The following BCLAF3 variants were observed in gnomAD, a reference collection of about 807,000 sequenced individuals.
BCLAF3 encodes BCLAF1 and THRAP3 family member 3.
BCLAF3 carries 24 observed loss-of-function variants against 51.2 expected under a neutral mutation model. That is an observed-to-expected ratio of 0.47 (90% CI 0.34 to 0.66). The LOEUF is 0.66. BCLAF3 is among the 30% of genes least tolerant of loss of function. The probability of loss-of-function intolerance (pLI) is 0.01; values close to 1 mark genes in which losing one functional copy is unlikely to be tolerated. For missense variants in BCLAF3, 465 were observed against 525.1 expected, an observed-to-expected ratio of 0.89 and a Z score of 1.12; for synonymous variants, 152 against 176.6, an observed-to-expected ratio of 0.86 and a Z score of 1.10.
intron 1 of BCLAF3, among the ~76,000 whole-genome samples, chrX:19,973,020 G>A (rs2072305931): frequency 8.9e-6 from 1 of 111,912 alleles, no homozygotes; most frequent in African/African-American, 3.2e-5. Context: ...TGGGTCACTT[G>A]GTAACTCTAT....
chrX:19,968,117 T>C (rs961671310), intron 2 of BCLAF3, among the ~76,000 whole-genome samples: 2 of 112,862 alleles, frequency 1.8e-5, no homozygotes, highest in African/African-American at 6.4e-5. Flanking sequence ...TCACATTCAA[T>C]ATCGGTTTGA....
intron 4 of BCLAF3, among the ~76,000 whole-genome samples, chrX:19,961,030 C>T (rs2071836299): frequency 9.0e-6 from 1 of 111,628 alleles, no homozygotes; most frequent in South Asian, 3.8e-4. Flanking sequence ...TATTCTGCTC[C>T]AGATATTAGT....
At chrX:19,938,381 C>T (rs188794442) in intron 8 of BCLAF3, among the ~76,000 whole-genome samples, 3 of 111,638 alleles carry the variant, frequency 2.7e-5, no homozygotes, top group Admixed American at 9.5e-5. Flanking sequence ...AACAGGCACA[C>T]TGAGCTTCAG....
chrX:19,979,418 A>G (rs1569510440), intron 1 of BCLAF3, among the ~76,000 whole-genome samples: 1 of 111,519 alleles, frequency 9.0e-6, no homozygotes, highest in East Asian at 2.8e-4. Flanking sequence ...TAGCAATAAT[A>G]TATTTTTAAA....
At position 19,966,162 on chromosome X, in the gene BCLAF3, G is replaced by T. The variant is rs2072045800; in HGVS notation, c.529C>A (p.Gln177Lys). The stretch of plus-strand genomic sequence containing the variant: ...GAGTATTTTTCTTCTTGTATCCTCT[G>T]GTGCCTCAACTCATCTTCATGCCAC... ...GKWHEDELRH[Q>K]RIQEEKYSQS... Residue 177 changes from glutamine (Q) to lysine (K), a missense_variant, in exon 3 of 12, where the codon CAG becomes AAG. Gln to Lys is a moderately conservative substitution (Grantham distance 53). Coordinates refer to ENST00000379682, the MANE Select transcript of BCLAF3 (RefSeq NM_001367774.2). The T allele has an allele frequency of 8.3e-7, 1 of 1,210,958 alleles. No individual in the cohort carries two copies. The highest frequency in any genetic ancestry group is 2.2e-5 in the Admixed American group (1 of 45,993).
chrX:19,985,355 T>C (rs1464242062), intron 1 of BCLAF3, among the ~76,000 whole-genome samples: 1 of 110,647 alleles, frequency 9.0e-6, no homozygotes, highest in Admixed American at 9.7e-5. Context: ...AAGGTGGGAG[T>C]ACCACTTGAT....
chrX:19,960,435 C>G (rs1330335338), intron 4 of BCLAF3, among the ~76,000 whole-genome samples: 2 of 111,405 alleles, frequency 1.8e-5, no homozygotes, highest in Non-Finnish European at 3.8e-5. Context: ...TAACTGCCAA[C>G]AGAATCCCTA....
intron 10 of BCLAF3, 92 bp downstream of exon 10, chrX:19,935,717 T>A (rs1407734564): frequency 1.4e-6 from 1 of 725,040 alleles, no homozygotes; most frequent in Non-Finnish European, 2.1e-6. Flanking sequence ...GAAAGCATAT[T>A]ACAAAACAGC....
chrX:19,932,876 T>C (rs2070621331), intron 10 of BCLAF3, among the ~76,000 whole-genome samples: 1 of 112,135 alleles, frequency 8.9e-6, no homozygotes, highest in South Asian at 3.7e-4. Context: ...TAAACAATAA[T>C]AACTCCTAAA....
At chrX:19,923,337 G>C in intron 11 of BCLAF3, 1 of 133,951 alleles carries the variant, frequency 7.5e-6, no homozygotes, top group Non-Finnish European at 1.6e-5. Flanking sequence ...CATTAAAGTT[G>C]GAAAGAGAAC....
chrX:19,978,936 G>T (rs748585834), intron 1 of BCLAF3, among the ~76,000 whole-genome samples: 1 of 110,715 alleles, frequency 9.0e-6, no homozygotes, highest in African/African-American at 3.3e-5. Context: ...GTTGATCGAT[G>T]CAACAAACCT....
chrX:19,931,300 C>T (rs1273076189), intron 10 of BCLAF3, among the ~76,000 whole-genome samples: 31 of 111,402 alleles, frequency 2.8e-4, no homozygotes, highest in Non-Finnish European at 5.6e-4. Flanking sequence ...AGTCTCCCTC[C>T]CTCACTCCCC....
intron 4 of BCLAF3, among the ~76,000 whole-genome samples, chrX:19,960,088 G>A (rs930922753): frequency 9.0e-6 from 1 of 111,670 alleles, no homozygotes; most frequent in Non-Finnish European, 1.9e-5. Context: ...GGGCCACCAT[G>A]CCCAGCCAGA....
intron 5 of BCLAF3, 64 bp downstream of exon 5, chrX:19,955,327 C>G (rs2071625739): frequency 1.2e-6 from 1 of 848,561 alleles, no homozygotes; most frequent in African/African-American, 2.1e-5. Flanking sequence ...AGGTGTTTAC[C>G]TGTATCTCGT....
chrX:19,984,019 C>T (rs975504707), intron 1 of BCLAF3, among the ~76,000 whole-genome samples: 3 of 100,705 alleles, frequency 3.0e-5, no homozygotes, highest in African/African-American at 1.1e-4. Flanking sequence ...TTGCAGTGAG[C>T]CGAGATCGTG....
chrX:19,967,788 G>A (rs189262045), intron 2 of BCLAF3, among the ~76,000 whole-genome samples: 2 of 112,074 alleles, frequency 1.8e-5, no homozygotes, highest in African/African-American at 6.5e-5. Context: ...CTTTCCTTTC[G>A]ATGATAAGTC....
At chrX:19,917,894 G>C (rs1310580404) in intron 11 of BCLAF3, among the ~76,000 whole-genome samples, 2 of 111,595 alleles carry the variant, frequency 1.8e-5, no homozygotes, top group Non-Finnish European at 1.9e-5. Context: ...AGAACAATGA[G>C]ACTATGATTA....
chrX:19,930,678 A>G (rs1003001491), intron 10 of BCLAF3: 5 of 156,807 alleles, frequency 3.2e-5, no homozygotes. Context: ...ACAAAACAAA[A>G]CTACATCAAA....
intron 8 of BCLAF3, among the ~76,000 whole-genome samples, chrX:19,945,877 C>T (rs1179923159): frequency 1.8e-4 from 19 of 107,002 alleles, no homozygotes; most frequent in African/African-American, 6.7e-4. Flanking sequence ...CCCAGCCTCG[C>T]TGCCGCCTTG....
Sources: allele counts gnomAD v4.1 joint callset (sites outside exome capture counted in the v4.1 genomes callset), GRCh38; gene constraint gnomAD v4.1.1; transcripts MANE v1.5; gene names NCBI Gene and HGNC (gene_info 2026-07-23, HGNC 2026-07-21).